Variants in ROR1 observed in about 807,000 individuals in gnomAD.
The protein encoded by ROR1 is inactive tyrosine-protein kinase transmembrane receptor ROR1.
A neutral mutation model predicts 78.8 loss-of-function variants in ROR1; 19 were observed. The ratio of observed to expected loss-of-function variants is 0.24; its 90% CI spans 0.17 to 0.35. The LOEUF (loss-of-function observed/expected upper bound fraction) is 0.35, where lower values mean the gene tolerates loss of function less well. Ranked by LOEUF, ROR1 falls within the 10% of genes least tolerant of loss-of-function variation. ROR1 has a pLI of 1.00. For synonymous variants in ROR1, 386 were observed against 433.6 expected (o/e 0.89, Z 1.36); for missense variants, 917 against 1,177.8 (o/e 0.78, Z 3.24).
At chr1:64,018,557 C>A (rs1646539696) in intron 2 of ROR1, among the ~76,000 whole-genome samples, 1 of 152,172 alleles carries the variant, frequency 6.6e-6, no homozygotes. Flanking sequence ...CCCCATTCTT[C>A]TTCTTTCCTC....
At chr1:63,821,615 G>T (rs1258733184) in intron 1 of ROR1, among the ~76,000 whole-genome samples, 1 of 152,176 alleles carries the variant, frequency 6.6e-6, no homozygotes, top group Non-Finnish European at 1.5e-5. Flanking sequence ...TCTCTTAGTG[G>T]CTTACCTCAG....
chr1:64,036,261 A>C (rs1340291964), intron 2 of ROR1, among the ~76,000 whole-genome samples: 1 of 152,050 alleles, frequency 6.6e-6, no homozygotes, highest in Non-Finnish European at 1.5e-5. Context: ...CCATCCATCC[A>C]CCCATCCATC....
intron 4 of ROR1, among the ~76,000 whole-genome samples, chr1:64,127,844 A>T (rs920761623): frequency 6.6e-6 from 1 of 152,182 alleles, no homozygotes; most frequent in African/African-American, 2.4e-5. Context: ...TCATACAGGC[A>T]TTCTAATAAC....
chr1:63,799,801 C>A (rs1408108490), intron 1 of ROR1, among the ~76,000 whole-genome samples: 1 of 152,118 alleles, frequency 6.6e-6, no homozygotes, highest in Non-Finnish European at 1.5e-5. Context: ...TGGCACAAAT[C>A]AAAGAGACAC....
chr1:64,034,183 A>ATTTTTTTTTTTTTTT (rs35110436), intron 2 of ROR1, among the ~76,000 whole-genome samples: 3 of 144,082 alleles, frequency 2.1e-5, no homozygotes, highest in African/African-American at 5.2e-5. Context: ...TTGCTTTTTC[A>ATTTTTTTTTTTTTTT]TTTTTTTTTT....
chr1:63,883,385 C>G lies in ROR1; in HGVS notation c.91+108877C>G, dbSNP rs1023011172. Among the ~76,000 whole-genome samples the G allele has an allele frequency of 4.6e-5, 7 of 152,010 alleles. No individual in the cohort carries two copies. In the East Asian group the frequency reaches 9.7e-4, roughly 21 times the overall value. On this transcript the variant is annotated intron_variant, in intron 1 of 8. Coordinates refer to ENST00000371079, the MANE Select transcript of ROR1 (RefSeq NM_005012.4). ...CTTTCTATCCCTCATCTGGACTTTACTTGTAATCTTAAAAGTCCTCTCTCT... is the reference window on the plus strand; with the variant it reads ...CTTTCTATCCCTCATCTGGACTTTAGTTGTAATCTTAAAAGTCCTCTCTCT...
chr1:64,010,913 G>GGC (rs1646470120), intron 2 of ROR1, among the ~76,000 whole-genome samples: 1 of 152,160 alleles, frequency 6.6e-6, no homozygotes, highest in Non-Finnish European at 1.5e-5. Flanking sequence ...ATGTAGAACT[G>GGC]TGAGTCAATT....
chr1:63,802,832 A>G (rs894706799), intron 1 of ROR1, among the ~76,000 whole-genome samples: 1 of 152,268 alleles, frequency 6.6e-6, no homozygotes, highest in Non-Finnish European at 1.5e-5. Flanking sequence ...GCACTGTCCA[A>G]TAAAATTATA....
chr1:63,978,536 C>T (rs1054625691), intron 1 of ROR1, among the ~76,000 whole-genome samples: 7 of 152,156 alleles, frequency 4.6e-5, no homozygotes, highest in Non-Finnish European at 7.4e-5. Flanking sequence ...TAGTGGGCAG[C>T]ACATGGTAAA....
rs944874268 is a variant in ROR1 at position 63,823,801 on chromosome 1, C to T, written c.91+49293C>T. Among the ~76,000 whole-genome samples the T allele has an allele frequency of 4.0e-5, 6 of 151,526 alleles. No homozygotes were observed. In the East Asian group the frequency reaches 1.2e-3, roughly 30 times the overall value. On this transcript the variant is annotated intron_variant, in intron 1 of 8. Coordinates refer to ENST00000371079, the MANE Select transcript of ROR1 (RefSeq NM_005012.4). ...TTTGAGACGAAGTCTCGATCTGTCG[C>T]CCAGGGTGCAATCCCGGCTTACTGC...
chr1:63,975,080 C>A (rs1490125094), intron 1 of ROR1, among the ~76,000 whole-genome samples: 1 of 152,140 alleles, frequency 6.6e-6, no homozygotes, highest in African/African-American at 2.4e-5. Context: ...GATTAAATAT[C>A]ACTTTTGCCC....
Position 64,040,905 on chromosome 1 carries a change from G to A in ROR1, c.164-8786G>A, listed in dbSNP as rs1413489691. On this transcript the variant is annotated intron_variant, in intron 2 of 8. Coordinates refer to ENST00000371079, the MANE Select transcript of ROR1 (RefSeq NM_005012.4). ...GGTCTCTTAGAGTAACCTAATTTGT[G>A]GTTACTAAGGATCCCATTAAATAAC... Among the ~76,000 whole-genome samples the A allele has an allele frequency of 2.0e-5, 3 of 152,070 alleles. No individual in the cohort carries two copies. In the East Asian group the frequency reaches 5.8e-4, roughly 29 times the overall value.
intron 4 of ROR1, among the ~76,000 whole-genome samples, chr1:64,063,145 G>A (rs886569456): frequency 2.8e-4 from 43 of 152,176 alleles, no homozygotes; most frequent in African/African-American, 9.7e-4. Flanking sequence ...AGGAAAAAGA[G>A]GTTTGGGATA....
intron 1 of ROR1, among the ~76,000 whole-genome samples, chr1:63,979,827 C>T (rs1055185955): frequency 1.3e-5 from 2 of 152,136 alleles, no homozygotes; most frequent in Admixed American, 6.5e-5. Context: ...AATCTGAAAA[C>T]GTAGTGCTTG....
At chr1:63,809,170 G>A (rs1251118650) in intron 1 of ROR1, among the ~76,000 whole-genome samples, 1 of 152,164 alleles carries the variant, frequency 6.6e-6, no homozygotes, top group East Asian at 1.9e-4. Flanking sequence ...GGTAGTGTCA[G>A]GGCAGTCAGA....
chr1:64,081,742 G>A (rs963259400), intron 4 of ROR1, among the ~76,000 whole-genome samples: 29 of 136,406 alleles, frequency 2.1e-4, no homozygotes, highest in South Asian at 8.9e-4. Context: ...TTGCACTCCA[G>A]CCTAGGTGAC....
intron 4 of ROR1, among the ~76,000 whole-genome samples, chr1:64,131,548 AT>A (rs11299014): frequency 1 from 151,108 of 151,700 alleles, 75,261 homozygotes; most frequent in Non-Finnish European, 1. Context: ...TGTAAATGAT[AT>A]TTTTTTTTTA....
At chr1:63,780,498 C>T (rs1474117418) in intron 1 of ROR1, among the ~76,000 whole-genome samples, 1 of 152,148 alleles carries the variant, frequency 6.6e-6, no homozygotes, top group Non-Finnish European at 1.5e-5. Flanking sequence ...AACACAGCAC[C>T]ATGGACTTAG....
intron 1 of ROR1, among the ~76,000 whole-genome samples, chr1:63,931,961 AG>A (rs1645756052): frequency 6.6e-6 from 1 of 152,220 alleles, no homozygotes; most frequent in African/African-American, 2.4e-5. Flanking sequence ...ACATGATTTC[AG>A]GCATCCACTG....
Sources: allele counts gnomAD v4.1 joint callset (sites outside exome capture counted in the v4.1 genomes callset), GRCh38; gene constraint gnomAD v4.1.1; transcripts MANE v1.5; gene names NCBI Gene and HGNC (gene_info 2026-07-23, HGNC 2026-07-21).